The following CTNNA3 variants were observed in gnomAD, a reference collection of about 807,000 sequenced individuals.
The protein encoded by CTNNA3 is catenin alpha-3.
A neutral mutation model predicts 95.7 loss-of-function variants in CTNNA3; 76 were observed. The ratio of observed to expected loss-of-function variants is 0.79; its 90% CI spans 0.66 to 0.96. CTNNA3 has a LOEUF of 0.96. CTNNA3 is among the 40% of genes least tolerant of loss of function. The pLI, the probability that CTNNA3 is intolerant of heterozygous loss-of-function variation, is 0.00. For synonymous variants in CTNNA3, 431 were observed against 374.4 expected (o/e 1.15, Z -1.74); for missense variants, 1,191 against 1,089.8 (o/e 1.09, Z -1.31).
chr10:67,082,949 G>A (rs1455010641), intron 7 of CTNNA3, among the ~76,000 whole-genome samples: 1 of 152,100 alleles, frequency 6.6e-6, no homozygotes, highest in African/African-American at 2.4e-5. Context: ...GTGCTCATGA[G>A]GCATTAACTG....
chr10:66,168,689 T>C (rs1311032132), intron 13 of CTNNA3, among the ~76,000 whole-genome samples: 19 of 152,314 alleles, frequency 1.2e-4, no homozygotes, highest in East Asian at 3.9e-4. Context: ...TTTTATATTA[T>C]AGTACTTACT....
chr10:66,942,731 C>A (rs1031875702), intron 7 of CTNNA3, among the ~76,000 whole-genome samples: 8 of 152,056 alleles, frequency 5.3e-5, no homozygotes, highest in African/African-American at 1.7e-4. Context: ...CTCAAGAGAA[C>A]ATGCTATTGT....
intron 15 of CTNNA3, among the ~76,000 whole-genome samples, chr10:65,999,785 T>A (rs1405624857): frequency 1.3e-5 from 2 of 152,148 alleles, no homozygotes; most frequent in Non-Finnish European, 2.9e-5. Context: ...GTTCTTGGGA[T>A]CTCCTGTCAG....
intron 7 of CTNNA3, among the ~76,000 whole-genome samples, chr10:67,040,641 T>C (rs1003783675): frequency 6.6e-6 from 1 of 151,958 alleles, no homozygotes; most frequent in Admixed American, 6.6e-5. Context: ...TATACAATGG[T>C]GACATTATTA....
intron 12 of CTNNA3, among the ~76,000 whole-genome samples, chr10:66,314,883 G>T (rs1012881488): frequency 2.0e-5 from 3 of 152,030 alleles, no homozygotes; most frequent in African/African-American, 7.2e-5. Flanking sequence ...TTAAGCATCT[G>T]CTTTTGCACT....
At chr10:66,158,574 G>GGTAAT (rs2084675696) in intron 13 of CTNNA3, among the ~76,000 whole-genome samples, 1 of 152,148 alleles carries the variant, frequency 6.6e-6, no homozygotes, top group South Asian at 2.1e-4. Flanking sequence ...TTTGAAGTCA[G>GGTAAT]GTAATGTGAA....
Position 66,584,029 on chromosome 10 carries a change from C to T in CTNNA3, c.1374+37663G>A, listed in dbSNP as rs138988404. 3.2e-4 allele frequency among the ~76,000 whole-genome samples: 48 copies of T among 151,598 alleles called. No individual in the cohort carries two copies. In the East Asian group the frequency reaches 5.8e-3, roughly 18 times the overall value. ...GAATCGATTCCTAGTTTTATTTTAC[C>T]GTGGTCTGACAAGAAACTTAATATG... On this transcript the variant is annotated intron_variant, in intron 10 of 17. Transcript: ENST00000433211.
In CTNNA3 at chr10:66,520,792, A is replaced by G. The variant is rs780798103; in HGVS notation, c.1375-19T>C. 11 of 1,604,962 alleles carry G rather than the reference A, an allele frequency of 6.9e-6. No individual in the cohort carries two copies. The highest frequency in any genetic ancestry group is 1.7e-4 in the Middle Eastern group (1 of 6,022). ...TAATAATCTATAAAGATAAGGATTG[A>G]AAAAATTACCTATTGGTTGCAATGT... On this transcript the variant is annotated intron_variant, in intron 10 of 17. Transcript: ENST00000433211.
At chr10:66,664,217 T>A (rs1167273470) in intron 9 of CTNNA3, among the ~76,000 whole-genome samples, 2 of 152,146 alleles carry the variant, frequency 1.3e-5, no homozygotes, top group Non-Finnish European at 2.9e-5. Context: ...TTTATATAAA[T>A]ATTTATAGGG....
At chr10:67,385,217 A>T (rs1844107150) in intron 5 of CTNNA3, among the ~76,000 whole-genome samples, 1 of 152,246 alleles carries the variant, frequency 6.6e-6, no homozygotes, top group East Asian at 1.9e-4. Flanking sequence ...CTTATAGTCT[A>T]ATGACCTCAG....
rs1312736878 is a variant in CTNNA3, at chr10:67,539,490, A to G, written c.459+13T>C. ...AGACAATGCCAAGGTAAACTAAGCC[A>G]TCTTTTACTTACAGCTGACACATGT... is the stretch of plus-strand genomic sequence containing the variant. On this transcript the variant is annotated intron_variant, in intron 4 of 17. Coordinates refer to ENST00000433211, the MANE Select transcript of CTNNA3 (RefSeq NM_013266.4). 1 of 1,612,274 alleles carries G rather than the reference A, an allele frequency of 6.2e-7. No individual in the cohort carries two copies. The highest frequency in any genetic ancestry group is 8.5e-7 in the Non-Finnish European group (1 of 1,178,664).
At chr10:66,872,478 G>A (rs777246982) in intron 7 of CTNNA3, among the ~76,000 whole-genome samples, 2 of 152,010 alleles carry the variant, frequency 1.3e-5, no homozygotes, top group South Asian at 2.1e-4. Context: ...AAACCAGCCT[G>A]GCCATCATGG....
intron 7 of CTNNA3, among the ~76,000 whole-genome samples, chr10:67,104,485 G>C (rs1209786517): frequency 6.6e-6 from 1 of 151,790 alleles, no homozygotes; most frequent in African/African-American, 2.4e-5. Context: ...TCGTGGAGAT[G>C]GACAAATAAA....
intron 5 of CTNNA3, among the ~76,000 whole-genome samples, chr10:67,493,561 C>CAAAAAAAAAAAAAAA (rs61570165): frequency 3.2e-5 from 3 of 94,142 alleles, no homozygotes; most frequent in South Asian, 3.3e-4. Flanking sequence ...GACTCTGTCT[C>CAAAAAAAAAAAAAAA]AAAAAAAAAA....
At chr10:66,901,091 T>A (rs1447394562) in intron 7 of CTNNA3, among the ~76,000 whole-genome samples, 1 of 151,862 alleles carries the variant, frequency 6.6e-6, no homozygotes, top group African/African-American at 2.4e-5. Flanking sequence ...TTCACCAAGG[T>A]TGAAATAAAA....
intron 7 of CTNNA3, among the ~76,000 whole-genome samples, chr10:67,074,852 T>C (rs1174553895): frequency 1.3e-5 from 2 of 152,190 alleles, no homozygotes; most frequent in African/African-American, 4.8e-5. Context: ...TTATAATTCA[T>C]TTATGTATGA....
At chr10:66,226,725 T>A (rs2089305774) in intron 13 of CTNNA3, among the ~76,000 whole-genome samples, 1 of 152,076 alleles carries the variant, frequency 6.6e-6, no homozygotes, top group African/African-American at 2.4e-5. Context: ...TCCACTCTAA[T>A]GTATTTCATC....
intron 12 of CTNNA3, among the ~76,000 whole-genome samples, chr10:66,309,951 A>C (rs907058430): frequency 1.5e-4 from 18 of 119,410 alleles, no homozygotes; most frequent in African/African-American, 6.0e-4. Flanking sequence ...ATAAATAAAT[A>C]AATAAAATAA....
At chr10:66,913,853 A>C (rs1564762515) in intron 7 of CTNNA3, among the ~76,000 whole-genome samples, 1 of 152,202 alleles carries the variant, frequency 6.6e-6, no homozygotes, top group Non-Finnish European at 1.5e-5. Context: ...GAAAAGCTAC[A>C]CTGAAGTATA....
Sources: gnomAD v4.1 joint callset for allele counts (sites outside exome capture counted in the v4.1 genomes callset) on GRCh38, gnomAD v4.1.1 for gene constraint, MANE v1.5 for transcripts, NCBI Gene and HGNC (gene_info 2026-07-23, HGNC 2026-07-21) for gene names.